The following NFKB1 variants were observed in gnomAD, a reference collection of about 807,000 sequenced individuals.
NFKB1 encodes the protein nuclear factor kappa B subunit 1.
In NFKB1, 9 loss-of-function variants were observed where a neutral mutation model predicts 105.1. The observed-to-expected ratio is 0.09, with a 90% confidence interval of 0.05 to 0.15. The LOEUF is 0.15. Ranked by LOEUF, NFKB1 falls within the 10% of genes least tolerant of loss-of-function variation. The pLI is 1.00. For synonymous variants in NFKB1, 440 were observed against 442.2 expected, an observed-to-expected ratio of 1.00 and a Z score of 0.06; for missense variants, 830 against 1,203.7, an observed-to-expected ratio of 0.69 and a Z score of 4.59.
Position 102,583,102 on chromosome 4 carries a change from A to G in NFKB1, c.927+145A>G, listed in dbSNP as rs4648034. The G allele has an allele frequency of 3.6e-3, 1,850 of 509,384 alleles. 16 individuals are homozygous for G. The highest frequency in any genetic ancestry group is 0.022 in the African/African-American group (1,156 of 52,160). 31.6% of individuals were successfully genotyped at this position (509,384 alleles called of 1,614,324 possible). On this transcript the variant is annotated intron_variant, in intron 10 of 23. Coordinates refer to ENST00000226574, the MANE Select transcript of NFKB1 (RefSeq NM_003998.4). ...TTGAGGGATCCTCCTGTCTCAACCT[A>G]CCAAATATCTGGGACTACAGGCATG... is the stretch of plus-strand genomic sequence containing the variant.
intron 20 of NFKB1, among the ~76,000 whole-genome samples, chr4:102,611,640 C>T (rs1728428016): frequency 6.6e-6 from 1 of 152,204 alleles, no homozygotes; most frequent in African/African-American, 2.4e-5. Flanking sequence ...AATTCATTCT[C>T]ATAAGCTTGT....
chr4:102,613,664 G>A, intron 23 of NFKB1, 83 bp downstream of exon 23: 2 of 1,468,286 alleles, frequency 1.4e-6, no homozygotes, highest in Non-Finnish European at 1.8e-6. Context: ...ATATGGTGTG[G>A]CAGTTTTCTT....
At chr4:102,573,739 T>C (rs1237261161) in intron 6 of NFKB1, among the ~76,000 whole-genome samples, 1 of 152,146 alleles carries the variant, frequency 6.6e-6, no homozygotes, top group Non-Finnish European at 1.5e-5. Context: ...ATCTTTTTTT[T>C]CTCTTTCATT....
At chr4:102,614,283 C>G (rs559645299) in intron 23 of NFKB1, among the ~76,000 whole-genome samples, 15 of 152,228 alleles carry the variant, frequency 9.9e-5, no homozygotes, top group African/African-American at 3.6e-4. Context: ...AGCTGAGGAG[C>G]CACCTCTCCC....
intron 20 of NFKB1, among the ~76,000 whole-genome samples, chr4:102,611,095 C>A (rs1487891460): frequency 6.6e-6 from 1 of 152,136 alleles, no homozygotes; most frequent in Admixed American, 6.5e-5. Context: ...ACTAAGAATT[C>A]TTCTTAGAAT....
At chr4:102,602,516 G>C (rs1396601804) in intron 16 of NFKB1, among the ~76,000 whole-genome samples, 9 of 151,232 alleles carry the variant, frequency 6.0e-5, no homozygotes, top group African/African-American at 2.2e-4. Context: ...TCCAGCCTGG[G>C]TGACAGAGTG....
At chr4:102,501,995 G>T (rs1209364235) in intron 1 of NFKB1, 1 of 152,274 alleles carries the variant, frequency 6.6e-6, no homozygotes, top group African/African-American at 2.4e-5. Context: ...ACCTCGCAGG[G>T]GCTAGTCGGC....
intron 6 of NFKB1, among the ~76,000 whole-genome samples, chr4:102,575,805 T>C (rs1270551076): frequency 6.6e-6 from 1 of 152,218 alleles, no homozygotes; most frequent in African/African-American, 2.4e-5. Context: ...ATAACACTTA[T>C]TGCCTTCTAA....
intron 6 of NFKB1, among the ~76,000 whole-genome samples, chr4:102,568,009 G>A (rs1560680475): frequency 6.6e-6 from 1 of 152,108 alleles, no homozygotes; most frequent in Non-Finnish European, 1.5e-5. Context: ...ACATTTTTCA[G>A]GGTTTTCTAA....
rs1295276326 is a variant in NFKB1, at chr4:102,607,553, A to G, written c.2125-96A>G. On this transcript the variant is annotated intron_variant, in intron 18 of 23. Transcript: ENST00000226574. ...GCCAGCCCAAAGTAGCAATTGGGCTAGTAATAGGACCCAAGGAGCCATGCA... is the reference window on the plus strand; with the variant it reads ...GCCAGCCCAAAGTAGCAATTGGGCTGGTAATAGGACCCAAGGAGCCATGCA... 7.6e-6 allele frequency: 10 copies of G among 1,308,592 alleles called. No homozygotes were observed. The East Asian group carries it at 2.1e-4, about 27-fold the overall frequency. The allele number at this position is 1,308,592 out of a possible 1,614,324, so 81.1% of individuals were successfully genotyped here. A position where few individuals can be genotyped will look rare whatever the true frequency, so the allele number is the denominator to read the frequency against.
At chr4:102,555,375 GGA>G (rs1722913184) in intron 5 of NFKB1, among the ~76,000 whole-genome samples, 1 of 152,068 alleles carries the variant, frequency 6.6e-6, no homozygotes, top group African/African-American at 2.4e-5. Flanking sequence ...TCTAGGGGTT[GGA>G]AAAACAGAGA....
At chr4:102,521,577 A>G (rs531254790) in intron 1 of NFKB1, among the ~76,000 whole-genome samples, 1 of 152,368 alleles carries the variant, frequency 6.6e-6, no homozygotes, top group South Asian at 2.1e-4. Flanking sequence ...GAAATCCTAT[A>G]GAAAGAATAC....
At position 102,516,272 on chromosome 4, in the gene NFKB1, T is replaced by A. The variant is rs548767627; in HGVS notation, c.-7-9240T>A. Among the ~76,000 whole-genome samples, 35 of 152,226 alleles carry A rather than the reference T, an allele frequency of 2.3e-4. No homozygotes were observed. The South Asian group carries it at 7.2e-3, about 32-fold the overall frequency. On this transcript the variant is annotated intron_variant, in intron 1 of 23. Transcript: ENST00000226574. Reference sequence around the variant, plus strand: ...TTATCCAGCAGAGAGATCTTTGAGATTCTTGGATCTGTGGGTTGATTTTTT... The same window carrying A: ...TTATCCAGCAGAGAGATCTTTGAGAATCTTGGATCTGTGGGTTGATTTTTT...
intron 1 of NFKB1, among the ~76,000 whole-genome samples, chr4:102,517,292 A>G (rs1260733586): frequency 6.6e-6 from 1 of 152,230 alleles, no homozygotes; most frequent in African/African-American, 2.4e-5. Context: ...ATATAGCCCT[A>G]TGAAGTCCAA....
At chr4:102,583,045 TCA>T (rs1269022268) in intron 10 of NFKB1, 88 bp downstream of exon 10, 3 of 824,578 alleles carry the variant, frequency 3.6e-6, no homozygotes, top group Non-Finnish European at 5.8e-6. Context: ...AGTGGTACAA[TCA>T]CAGCTCACTG....
Position 102,576,409 on chromosome 4 carries a change from C to G in NFKB1, c.408-467C>G, listed in dbSNP as rs562846502. On this transcript the variant is annotated intron_variant, in intron 6 of 23. Transcript: ENST00000226574. ...CCATAGAAAATACTTTAAAATGAAC[C>G]CGGTAAGACTTCCTCATTAAGACAT... Among the ~76,000 whole-genome samples the G allele has an allele frequency of 5.2e-4, 79 of 152,102 alleles. 1 individual carries two copies. The South Asian group carries it at 0.016, about 30-fold the overall frequency.
intron 11 of NFKB1, among the ~76,000 whole-genome samples, chr4:102,592,749 T>C (rs532934611): frequency 9.2e-5 from 14 of 152,184 alleles, no homozygotes; most frequent in African/African-American, 2.9e-4. Context: ...GCCAAACTTA[T>C]CTACTCCTGT....
chr4:102,557,581 A>C (rs1723083383), intron 5 of NFKB1, among the ~76,000 whole-genome samples: 2 of 152,178 alleles, frequency 1.3e-5, no homozygotes, highest in African/African-American at 4.8e-5. Flanking sequence ...GGGCCCTCTC[A>C]TTTGAGGAAT....
chr4:102,541,322 G>A (rs538916673), intron 5 of NFKB1, among the ~76,000 whole-genome samples: 9 of 74,756 alleles, frequency 1.2e-4, no homozygotes, highest in Admixed American at 3.1e-4. Flanking sequence ...CATAGATTAC[G>A]TAGAATTGTC....
Sources: gnomAD v4.1 joint callset for allele counts (sites outside exome capture counted in the v4.1 genomes callset) on GRCh38, gnomAD v4.1.1 for gene constraint, MANE v1.5 for transcripts, NCBI Gene and HGNC (gene_info 2026-07-23, HGNC 2026-07-21) for gene names.